Variants in ATG5 observed in about 807,000 individuals in gnomAD.
ATG5 encodes the protein autophagy protein 5.
ATG5 carries 14 observed loss-of-function variants against 36.5 expected under a neutral mutation model. That is an observed-to-expected ratio of 0.38 (90% CI 0.25 to 0.60). The LOEUF (loss-of-function observed/expected upper bound fraction) is 0.60, where lower values mean the gene tolerates loss of function less well. ATG5 is among the 20% of genes least tolerant of loss of function. ATG5 has a pLI of 0.60. For synonymous variants in ATG5, 95 were observed against 101.5 expected (o/e 0.94, Z 0.38); for missense variants, 195 against 326.7 (o/e 0.60, Z 3.11).
chr6:106,237,841 T>C (rs1777959383), intron 6 of ATG5, among the ~76,000 whole-genome samples: 1 of 152,234 alleles, frequency 6.6e-6, no homozygotes, highest in Admixed American at 6.5e-5. Flanking sequence ...ATGCAGTCCC[T>C]ATTTTGTGAG....
At chr6:106,269,924 C>T (rs1489837658) in intron 5 of ATG5, among the ~76,000 whole-genome samples, 2 of 152,228 alleles carry the variant, frequency 1.3e-5, no homozygotes, top group African/African-American at 2.4e-5. Context: ...ACGCCGAGAG[C>T]GAGCAAGGGC....
At chr6:106,197,595 C>G (rs1436385633) in intron 7 of ATG5, among the ~76,000 whole-genome samples, 1 of 151,808 alleles carries the variant, frequency 6.6e-6, no homozygotes, top group Non-Finnish European at 1.5e-5. Flanking sequence ...GGAGTGAGTT[C>G]TCACTGTTTT....
At chr6:106,230,041 G>A (rs985508502) in intron 6 of ATG5, among the ~76,000 whole-genome samples, 23 of 152,154 alleles carry the variant, frequency 1.5e-4, no homozygotes, top group African/African-American at 3.4e-4. Flanking sequence ...ACAAAGGTCC[G>A]ACCAGACCTA....
At chr6:106,297,425 G>A (rs1286749265) in intron 3 of ATG5, among the ~76,000 whole-genome samples, 2 of 152,060 alleles carry the variant, frequency 1.3e-5, no homozygotes, top group Non-Finnish European at 2.9e-5. Context: ...ATGAAATCAT[G>A]AGCTGGCAAA....
At chr6:106,269,798 C>T (rs1392210851) in intron 5 of ATG5, among the ~76,000 whole-genome samples, 1 of 152,192 alleles carries the variant, frequency 6.6e-6, no homozygotes, top group Non-Finnish European at 1.5e-5. Flanking sequence ...CTCCACACCT[C>T]CCTGCATGCT....
chr6:106,279,823 T>A lies in ATG5; in HGVS notation c.316A>T (p.Ser106Cys). The A allele has an allele frequency of 6.7e-7, 1 of 1,488,604 alleles. No homozygotes were observed. Among genetic ancestry groups the A allele is most frequent in the African/African-American group, 1.4e-5 (1 of 70,848 alleles). The allele number at this position is 1,488,604 out of a possible 1,614,324, so 92.2% of individuals were successfully genotyped here. A position where few individuals can be genotyped will look rare whatever the true frequency, so the allele number is the denominator to read the frequency against. ...TGCAGAAGGTCTTTTTCTGGAAAAC[T>A]CTATCAAAGGAAAAAATATACATAT... ...LPWNITVHFKSFPEKDLLHCP... is the reference protein window; with the variant it reads ...LPWNITVHFKCFPEKDLLHCP... The change falls in exon 5 of 8, where the codon AGT becomes TGT. Residue 106 changes from serine to cysteine, a missense_variant and splice_region_variant. Physicochemically the swap from Ser to Cys is moderately radical, Grantham distance 112. Coordinates refer to ENST00000369076, the MANE Select transcript of ATG5 (RefSeq NM_004849.4).
intron 5 of ATG5, among the ~76,000 whole-genome samples, chr6:106,260,827 A>T (rs1778990030): frequency 6.6e-6 from 1 of 152,228 alleles, no homozygotes; most frequent in Admixed American, 6.5e-5. Flanking sequence ...ACAGAATTTT[A>T]ACAGCCAGAA....
At chr6:106,194,311 G>C (rs2114324627) in intron 7 of ATG5, among the ~76,000 whole-genome samples, 1 of 152,062 alleles carries the variant, frequency 6.6e-6, no homozygotes. Context: ...TGTGATTATT[G>C]CTCAAATATT....
At chr6:106,283,623 C>G (rs1382931738) in intron 4 of ATG5, 1 of 152,174 alleles carries the variant, frequency 6.6e-6, no homozygotes, top group Non-Finnish European at 1.5e-5. Flanking sequence ...GCATAGCACA[C>G]TACGGCCCAG....
At chr6:106,229,436 GGA>G (rs899268653) in intron 6 of ATG5, among the ~76,000 whole-genome samples, 7 of 149,418 alleles carry the variant, frequency 4.7e-5, no homozygotes, top group Admixed American at 1.3e-4. Flanking sequence ...GAGACAGAGA[GGA>G]GAGAGAGAGA....
At chr6:106,281,664 C>A (rs1039173932) in intron 4 of ATG5, among the ~76,000 whole-genome samples, 1 of 152,170 alleles carries the variant, frequency 6.6e-6, no homozygotes, top group South Asian at 2.1e-4. Flanking sequence ...TTTATAGACA[C>A]GTCTTCATCT....
At chr6:106,294,827 A>G (rs2114634661) in intron 3 of ATG5, among the ~76,000 whole-genome samples, 1 of 139,806 alleles carries the variant, frequency 7.2e-6, no homozygotes, top group East Asian at 2.1e-4. Flanking sequence ...TGGACGACAG[A>G]GTGAGACCTT....
At chr6:106,251,716 A>C (rs1778595657) in intron 5 of ATG5, among the ~76,000 whole-genome samples, 2 of 143,146 alleles carry the variant, frequency 1.4e-5, no homozygotes, top group South Asian at 4.7e-4. Context: ...AAAAAGAAAG[A>C]AAGAAAGAGA....
chr6:106,269,134 A>G (rs990561293), intron 5 of ATG5, among the ~76,000 whole-genome samples: 4 of 152,208 alleles, frequency 2.6e-5, no homozygotes, highest in African/African-American at 4.8e-5. Flanking sequence ...TAGATTAGCT[A>G]GATACAAAGT....
At position 106,202,048 on chromosome 6, in the gene ATG5, A is replaced by C. The variant is rs376589405; in HGVS notation, c.615T>G (p.Pro205=). Residue 205 remains proline, a synonymous_variant, in exon 7 of 8, where the codon CCT becomes CCG. Coordinates refer to ENST00000369076, the MANE Select transcript of ATG5 (RefSeq NM_004849.4). ...ERPFIQKLFR[P]VAADGQLHTL... ...TGTGCAACTGTCCATCTGCAGCCAC[A>C]GGACGAAACAGCTTCTGAATGAAAG... 5.6e-6 allele frequency: 9 copies of C among 1,613,880 alleles called. No individual in the cohort carries two copies. The highest frequency in any genetic ancestry group is 6.8e-6 in the Non-Finnish European group (8 of 1,179,888).
intron 4 of ATG5, among the ~76,000 whole-genome samples, chr6:106,286,770 T>C (rs993924635): frequency 5.9e-5 from 9 of 152,188 alleles, no homozygotes; most frequent in Non-Finnish European, 1.0e-4. Flanking sequence ...CTTCACATGG[T>C]CTTTAGGTGG....
At chr6:106,292,944 A>C in intron 4 of ATG5, 84 bp downstream of exon 4, 6 of 1,079,684 alleles carry the variant, frequency 5.6e-6, no homozygotes, top group Non-Finnish European at 8.3e-6. Context: ...GCAATAAATA[A>C]CTTCACTTAA....
chr6:106,216,725 A>C (rs895409887), intron 6 of ATG5, among the ~76,000 whole-genome samples: 1 of 152,180 alleles, frequency 6.6e-6, no homozygotes, highest in African/African-American at 2.4e-5. Context: ...AGCATGCTTT[A>C]AAAGGTGACC....
chr6:106,258,375 A>T (rs78987119), intron 5 of ATG5, among the ~76,000 whole-genome samples: 1 of 148,182 alleles, frequency 6.7e-6, no homozygotes, highest in African/African-American at 2.5e-5. Context: ...GGCCCTGAAT[A>T]AAAAAAAAAG....
Sources: gnomAD v4.1 joint callset for allele counts (sites outside exome capture counted in the v4.1 genomes callset) on GRCh38, gnomAD v4.1.1 for gene constraint, MANE v1.5 for transcripts, NCBI Gene and HGNC (gene_info 2026-07-23, HGNC 2026-07-21) for gene names.